Variants in BBS7 observed in about 807,000 individuals in gnomAD.
The protein encoded by BBS7 is BBSome complex member BBS7.
A neutral mutation model predicts 90.3 loss-of-function variants in BBS7; 50 were observed. That is an observed-to-expected ratio of 0.55 (90% CI 0.44 to 0.70). BBS7 has a LOEUF of 0.70. Ranked by LOEUF, BBS7 falls within the 30% of genes least tolerant of loss-of-function variation. The pLI, the probability that BBS7 is intolerant of heterozygous loss-of-function variation, is 0.00. For missense variants in BBS7, 729 were observed against 838.9 expected (o/e 0.87, Z 1.62); for synonymous variants, 235 against 287.4 (o/e 0.82, Z 1.85).
Position 121,828,140 on chromosome 4 carries a change from A to G in BBS7, c.2014+6T>C, listed in dbSNP as rs1330968886. ...ATGGCAAGGTATTCTAGAATGGTCC[A>G]CTAACCATAGAGTCTTTCAAGATGT... On this transcript the variant is annotated splice_donor_region_variant and intron_variant, in intron 18 of 18. Transcript: ENST00000264499. 1 of 1,613,660 alleles carries G rather than the reference A, an allele frequency of 6.2e-7. No individual in the cohort carries two copies. The highest frequency in any genetic ancestry group is 8.5e-7 in the Non-Finnish European group (1 of 1,179,826).
At chr4:121,844,506 T>C (rs1028962485) in intron 11 of BBS7, among the ~76,000 whole-genome samples, 2 of 148,396 alleles carry the variant, frequency 1.3e-5, no homozygotes, top group Admixed American at 6.9e-5. Flanking sequence ...TGAGCTAGCA[T>C]TACTTAAGAG....
At chr4:121,835,093 A>G (rs770103850) in intron 14 of BBS7, 51 bp downstream of exon 14, 15 of 1,591,170 alleles carry the variant, frequency 9.4e-6, no homozygotes, top group Admixed American at 1.7e-5. Flanking sequence ...AAACAGGTCT[A>G]TTTGAATTGT....
chr4:121,832,305 G>A (rs1488170257), intron 15 of BBS7, among the ~76,000 whole-genome samples: 1 of 152,162 alleles, frequency 6.6e-6, no homozygotes, highest in African/African-American at 2.4e-5. Context: ...CTGGGTGACA[G>A]AGTGAGATCC....
intron 15 of BBS7, among the ~76,000 whole-genome samples, chr4:121,832,567 A>G (rs1316106221): frequency 6.6e-6 from 1 of 152,208 alleles, no homozygotes; most frequent in Non-Finnish European, 1.5e-5. Flanking sequence ...ATTGGAGCTT[A>G]TAGAAGATGA....
intron 9 of BBS7, 37 bp from the exon 10 acceptor site, chr4:121,847,543 C>T (rs1726078656): frequency 1.4e-6 from 2 of 1,386,072 alleles, no homozygotes; most frequent in African/African-American, 1.4e-5. Flanking sequence ...CCACTTAGTA[C>T]TGCTAGTGTT....
intron 2 of BBS7, among the ~76,000 whole-genome samples, chr4:121,867,556 G>A (rs1382813676): frequency 6.6e-6 from 1 of 152,138 alleles, no homozygotes; most frequent in African/African-American, 2.4e-5. Flanking sequence ...AACTATAATT[G>A]TTTTGTGGAA....
rs143916328 is a variant in BBS7 at position 121,841,776 on chromosome 4, T to C, written c.1306-2080A>G. ...ATTAAAACAGATTAATCTTTCATAG[T>C]AACTTAAGAATCAAAGATTTTAAGT... is the stretch of plus-strand genomic sequence containing the variant. On this transcript the variant is annotated intron_variant, in intron 12 of 18. Transcript: ENST00000264499. 2.2e-3 allele frequency among the ~76,000 whole-genome samples: 341 copies of C among 152,316 alleles called. 1 individual carries two copies. Among genetic ancestry groups the C allele is most frequent in the African/African-American group, 7.7e-3 (320 of 41,564 alleles).
intron 15 of BBS7, 57 bp downstream of exon 15, chr4:121,833,174 T>C: frequency 6.4e-7 from 1 of 1,553,282 alleles, no homozygotes; most frequent in Non-Finnish European, 8.9e-7. Flanking sequence ...AAAGGAAAAC[T>C]TAGAAGCTAC....
Position 121,828,742 on chromosome 4 carries a change from A to G in BBS7, c.1677-14T>C, listed in dbSNP as rs774265460. ...CCCTCTCCTTTTCTATAAAATTAAT[A>G]TATTTTTTAAAAGAATAGCTGTAGA... On this transcript the variant is annotated splice_polypyrimidine_tract_variant and intron_variant, in intron 15 of 18. Coordinates refer to ENST00000264499, the MANE Select transcript of BBS7 (RefSeq NM_176824.3). 1.8e-5 allele frequency: 25 copies of G among 1,422,592 alleles called. No homozygotes were observed. The highest frequency in any genetic ancestry group is 2.9e-5 in the African/African-American group (2 of 69,654). The allele number at this position is 1,422,592 out of a possible 1,614,324, so 88.1% of individuals were successfully genotyped here. A position where few individuals can be genotyped will look rare whatever the true frequency, so the allele number is the denominator to read the frequency against.
At chr4:121,830,064 T>TCA (rs143414312) in intron 15 of BBS7, among the ~76,000 whole-genome samples, 2 of 152,222 alleles carry the variant, frequency 1.3e-5, no homozygotes, top group Non-Finnish European at 2.9e-5. Flanking sequence ...CATTTGGTTT[T>TCA]CACACACACA....
rs1005358596 is a variant in BBS7 at position 121,826,095 on chromosome 4, T to C, written c.2015-102A>G. The stretch of plus-strand genomic sequence containing the variant: ...TTGATAATCTATTTTTAAGCACCTG[T>C]AATTCCATGATTTAACATACACAAA... On this transcript the variant is annotated intron_variant, in intron 18 of 18. Transcript: ENST00000264499. 7 of 964,714 alleles carry C rather than the reference T, an allele frequency of 7.3e-6. No homozygotes were observed. In the African/African-American group the frequency reaches 1.1e-4, roughly 16 times the overall value. 59.8% of individuals were successfully genotyped at this position (964,714 alleles called of 1,614,324 possible).
chr4:121,826,852 C>T (rs184095111), intron 18 of BBS7, among the ~76,000 whole-genome samples: 6 of 152,126 alleles, frequency 3.9e-5, no homozygotes, highest in South Asian at 2.1e-4. Flanking sequence ...GGCATGGTGG[C>T]GCACACCTGT....
At position 121,847,486 on chromosome 4, in the gene BBS7, T is replaced by C; in HGVS notation, c.955A>G (p.Thr319Ala). The C allele has an allele frequency of 2.5e-6, 4 of 1,613,312 alleles. No individual in the cohort carries two copies. The African/African-American group carries it at 5.3e-5, about 21-fold the overall frequency. The change falls in exon 10 of 19, where the codon ACA becomes GCA. Residue 319 changes from threonine to alanine, a missense_variant. Coordinates refer to ENST00000264499, the MANE Select transcript of BBS7 (RefSeq NM_176824.3). ...CCACTTTCCTTATGAATGGGCTCTG[T>C]TGTCAGACCTGTAACCCAGCCTGTA... ...TYSGWVTGLT[T>A]EPIHKESGPG...
At chr4:121,856,567 C>A (rs1726684216) in intron 5 of BBS7, among the ~76,000 whole-genome samples, 1 of 151,928 alleles carries the variant, frequency 6.6e-6, no homozygotes, top group South Asian at 2.1e-4. Context: ...ACAAAATTAG[C>A]CAGGTGTGGT....
At chr4:121,866,329 CT>C (rs575650962) in intron 2 of BBS7, among the ~76,000 whole-genome samples, 2 of 151,908 alleles carry the variant, frequency 1.3e-5, no homozygotes, top group African/African-American at 4.8e-5. Context: ...ACATTTAGGT[CT>C]TTTTTTGTTT....
Position 121,868,684 on chromosome 4 carries a change from C to CAAAAAAAAAAAAAAAAAAAAAAA in BBS7, c.37-661_37-639dup. On this transcript the variant is annotated intron_variant, in intron 1 of 18. Transcript: ENST00000264499. ...TGCGTGACAGAACAAGACCCTGTTT[C>CAAAAAAAAAAAAAAAAAAAAAAA]AAAAAAAAAAAAAAAAAAAAAAAAA... Among the ~76,000 whole-genome samples the CAAAAAAAAAAAAAAAAAAAAAAA allele has an allele frequency of 4.0e-5, 2 of 49,688 alleles. 1 individual carries two copies. The highest frequency in any genetic ancestry group is 7.0e-5 in the Non-Finnish European group (2 of 28,774). 32.6% of individuals were successfully genotyped at this position (49,688 alleles called of 152,430 possible). A position where few individuals can be genotyped will look rare whatever the true frequency, so the allele number is the denominator to read the frequency against.
rs184185233 is a variant in BBS7 at position 121,835,352 on chromosome 4, A to G, written c.1372-69T>C. 8,139 of 1,569,178 alleles carry G rather than the reference A, an allele frequency of 5.2e-3. 23 individuals carry two copies. Among genetic ancestry groups the G allele is most frequent in the Admixed American group, 6.9e-3 (404 of 58,472 alleles). ...ACAAAACATATCTTTAGAATGTTCA[A>G]CATAAGTTATCAAGTACTTAAAATT... On this transcript the variant is annotated intron_variant, in intron 13 of 18. Transcript: ENST00000264499.
intron 13 of BBS7, among the ~76,000 whole-genome samples, chr4:121,838,201 T>G (rs1299214683): frequency 6.6e-6 from 1 of 152,216 alleles, no homozygotes; most frequent in East Asian, 1.9e-4. Flanking sequence ...TAAATGTGTT[T>G]TTTCTTTTAG....
chr4:121,849,699 G>A (rs976463548), intron 8 of BBS7, among the ~76,000 whole-genome samples: 1 of 152,016 alleles, frequency 6.6e-6, no homozygotes, highest in Non-Finnish European at 1.5e-5. Flanking sequence ...GCGTGGTGGC[G>A]CGTGCCTGTA....
Sources: allele counts gnomAD v4.1 joint callset (sites outside exome capture counted in the v4.1 genomes callset), GRCh38; gene constraint gnomAD v4.1.1; transcripts MANE v1.5; gene names NCBI Gene and HGNC (gene_info 2026-07-23, HGNC 2026-07-21).